Variants in MAST4 observed in about 807,000 individuals in gnomAD.
The protein encoded by MAST4 is microtubule-associated serine/threonine-protein kinase 4.
In MAST4, 89 loss-of-function variants were observed where a neutral mutation model predicts 162.7. That is an observed-to-expected ratio of 0.55 (90% CI 0.46 to 0.65). MAST4 has a LOEUF of 0.65. Ranked by LOEUF, MAST4 falls within the 30% of genes least tolerant of loss-of-function variation. MAST4 has a pLI of 0.00. For synonymous variants in MAST4, 1,479 were observed against 1,361.1 expected, an observed-to-expected ratio of 1.09 and a Z score of -1.91; for missense variants, 3,153 against 3,374.0, an observed-to-expected ratio of 0.93 and a Z score of 1.62.
intron 1 of MAST4, among the ~76,000 whole-genome samples, chr5:66,675,567 T>C (rs1363136862): frequency 6.6e-6 from 1 of 152,114 alleles, no homozygotes; most frequent in East Asian, 1.9e-4. Context: ...CCAAAGAGTG[T>C]TGGGTAATGT....
intron 3 of MAST4, among the ~76,000 whole-genome samples, chr5:66,790,573 C>T (rs1755351050): frequency 6.6e-6 from 1 of 152,072 alleles, no homozygotes; most frequent in Admixed American, 6.5e-5. Flanking sequence ...GGGACAAAGT[C>T]TTGCTTTTTT....
chr5:66,932,183 C>T (rs1742261506), intron 4 of MAST4, among the ~76,000 whole-genome samples: 1 of 152,160 alleles, frequency 6.6e-6, no homozygotes, highest in African/African-American at 2.4e-5. Context: ...TCAGGTCTGT[C>T]ACCGTTATCA....
intron 3 of MAST4, among the ~76,000 whole-genome samples, chr5:66,796,687 C>A (rs940341043): frequency 1.3e-5 from 2 of 152,196 alleles, no homozygotes; most frequent in Non-Finnish European, 2.9e-5. Context: ...AGCAATACTA[C>A]ACATATATGT....
chr5:67,119,334 C>T (rs1250821162), intron 13 of MAST4, among the ~76,000 whole-genome samples: 2 of 152,084 alleles, frequency 1.3e-5, no homozygotes, highest in Non-Finnish European at 2.9e-5. Flanking sequence ...AGTTCAGAGG[C>T]TCCTGCCGTG....
chr5:66,724,220 A>G (rs1751383710), intron 1 of MAST4, among the ~76,000 whole-genome samples: 1 of 152,196 alleles, frequency 6.6e-6, no homozygotes, highest in East Asian at 1.9e-4. Flanking sequence ...CAGTTACAAC[A>G]ACATTTGATT....
chr5:66,830,262 CTTT>C (rs1156434101), intron 3 of MAST4, among the ~76,000 whole-genome samples: 1 of 151,924 alleles, frequency 6.6e-6, no homozygotes, highest in Admixed American at 6.6e-5. Context: ...GAAGAAATTC[CTTT>C]TTTAAGTTTT....
In MAST4 at chr5:67,078,931, T is replaced by A. The variant is rs1302569271; in HGVS notation, c.764-11231T>A. ...ATATAAATATATATATATATATATA[T>A]ATATATATATATATATATATGGCAA... is the stretch of plus-strand genomic sequence containing the variant. On this transcript the variant is annotated intron_variant, in intron 5 of 28. Transcript: ENST00000403625. 2.8e-4 allele frequency among the ~76,000 whole-genome samples: 20 copies of A among 71,290 alleles called. 1 individual carries two copies. Among genetic ancestry groups the A allele is most frequent in the Middle Eastern group, 6.3e-3 (1 of 158 alleles). 46.8% of individuals were successfully genotyped at this position (71,290 alleles called of 152,430 possible). A position where few individuals can be genotyped will look rare whatever the true frequency, so the allele number is the denominator to read the frequency against.
rs114509026 is a variant in MAST4 at position 66,777,157 on chromosome 5, A to C, written c.518-11513A>C. On this transcript the variant is annotated intron_variant, in intron 2 of 28. Coordinates refer to ENST00000403625, the MANE Select transcript of MAST4 (RefSeq NM_001164664.2). ...AATGGTGAAAGGAGGATGCAAACTG[A>C]TGTCTGACTGCTTTTCCATTCTGTA... is the stretch of plus-strand genomic sequence containing the variant. Among the ~76,000 whole-genome samples, 469 of 152,264 alleles carry C rather than the reference A, an allele frequency of 3.1e-3. 2 individuals are homozygous for C. Among genetic ancestry groups the C allele is most frequent in the African/African-American group, 0.011 (443 of 41,548 alleles).
At chr5:67,122,069 A>G (rs1392596529) in intron 14 of MAST4, among the ~76,000 whole-genome samples, 1 of 152,170 alleles carries the variant, frequency 6.6e-6, no homozygotes, top group Non-Finnish European at 1.5e-5. Context: ...TTGTGGCAGT[A>G]AACAGTGACA....
chr5:67,026,184 A>G (rs1160932457), intron 4 of MAST4, among the ~76,000 whole-genome samples: 1 of 152,218 alleles, frequency 6.6e-6, no homozygotes, highest in African/African-American at 2.4e-5. Flanking sequence ...GGCGAGCAAA[A>G]TTTATCCTAA....
intron 15 of MAST4, among the ~76,000 whole-genome samples, chr5:67,131,583 G>C (rs1768971341): frequency 1.3e-5 from 2 of 152,090 alleles, no homozygotes; most frequent in Non-Finnish European, 1.5e-5. Flanking sequence ...TTTCACTTCA[G>C]AGCCAAACCT....
chr5:66,633,896 A>T (rs951115949), intron 1 of MAST4, among the ~76,000 whole-genome samples: 1 of 152,164 alleles, frequency 6.6e-6, no homozygotes, highest in Admixed American at 6.6e-5. Flanking sequence ...GTCAGCTTGC[A>T]CTGTGGCACA....
At chr5:67,142,308 C>G in intron 20 of MAST4, 71 bp downstream of exon 20, 1 of 1,564,026 alleles carries the variant, frequency 6.4e-7, no homozygotes, top group South Asian at 1.1e-5. Flanking sequence ...GCTTTTGAAC[C>G]TTTTCATATC....
At chr5:66,736,267 C>T (rs886772753) in intron 1 of MAST4, among the ~76,000 whole-genome samples, 1 of 151,800 alleles carries the variant, frequency 6.6e-6, no homozygotes, top group South Asian at 2.1e-4. Context: ...GCAAAAGATG[C>T]AGAATGCCAG....
intron 1 of MAST4, among the ~76,000 whole-genome samples, chr5:66,738,705 T>C (rs912724720): frequency 6.6e-5 from 10 of 152,224 alleles, no homozygotes; most frequent in African/African-American, 2.2e-4. Flanking sequence ...CTCCTCCCGG[T>C]TGAAAGTGCT....
At chr5:66,911,556 C>G (rs945326342) in intron 4 of MAST4, among the ~76,000 whole-genome samples, 1 of 29,516 alleles carries the variant, frequency 3.4e-5, no homozygotes, top group Non-Finnish European at 6.6e-5. Flanking sequence ...CAAACAACAA[C>G]AACCCCCCCC....
chr5:66,794,121 A>G (rs1223612910), intron 3 of MAST4, among the ~76,000 whole-genome samples: 1 of 152,190 alleles, frequency 6.6e-6, no homozygotes, highest in Non-Finnish European at 1.5e-5. Context: ...TTTTTTGCTT[A>G]CATTATGTAG....
At chr5:66,615,970 C>T (rs1365188217) in intron 1 of MAST4, among the ~76,000 whole-genome samples, 1 of 152,132 alleles carries the variant, frequency 6.6e-6, no homozygotes, top group Non-Finnish European at 1.5e-5. Flanking sequence ...TTACCCTTGC[C>T]GTGTTGTGAT....
At chr5:66,688,203 T>C (rs1748816206) in intron 1 of MAST4, among the ~76,000 whole-genome samples, 1 of 152,160 alleles carries the variant, frequency 6.6e-6, no homozygotes, top group Admixed American at 6.5e-5. Context: ...GTCAAGTCTA[T>C]CAAAAGGAAT....
Sources: gnomAD v4.1 joint callset for allele counts (sites outside exome capture counted in the v4.1 genomes callset) on GRCh38, gnomAD v4.1.1 for gene constraint, MANE v1.5 for transcripts, NCBI Gene and HGNC (gene_info 2026-07-23, HGNC 2026-07-21) for gene names.